The following SH3RF1 variants were observed in gnomAD, a reference collection of about 807,000 sequenced individuals.
SH3RF1 encodes E3 ubiquitin-protein ligase SH3RF1.
A neutral mutation model predicts 74.0 loss-of-function variants in SH3RF1; 32 were observed. That is an observed-to-expected ratio of 0.43 (90% CI 0.33 to 0.58). SH3RF1 has a LOEUF of 0.58. Among genes scored for constraint, SH3RF1 ranks in the 20% least tolerant of loss-of-function variants. The pLI, the probability that SH3RF1 is intolerant of heterozygous loss-of-function variation, is 0.05. For missense variants in SH3RF1, 954 were observed against 1,130.9 expected (o/e 0.84, Z 2.24); for synonymous variants, 396 against 439.6 (o/e 0.90, Z 1.24).
Position 169,176,609 on chromosome 4 carries a change from T to C in SH3RF1, c.394-19930A>G, listed in dbSNP as rs180781057. Among the ~76,000 whole-genome samples the C allele has an allele frequency of 6.9e-3, 1,057 of 152,286 alleles. 9 individuals carry two copies. Among genetic ancestry groups the C allele is most frequent in the Non-Finnish European group, 8.1e-3 (551 of 68,016 alleles). ...AGGTTGGAGTGCACTGGCCTAATCT[T>C]GGCTCACTGCAACCTCAGTTTCCCA... is the stretch of plus-strand genomic sequence containing the variant. On this transcript the variant is annotated intron_variant, in intron 2 of 11. Transcript: ENST00000284637.
chr4:169,180,973 C>A (rs377204167), intron 2 of SH3RF1, among the ~76,000 whole-genome samples: 2 of 152,290 alleles, frequency 1.3e-5, no homozygotes, highest in South Asian at 2.1e-4. Context: ...CCTTTCTTTT[C>A]TCTTTACTCA....
At chr4:169,167,405 A>G (rs1316280944) in intron 2 of SH3RF1, among the ~76,000 whole-genome samples, 2 of 152,324 alleles carry the variant, frequency 1.3e-5, no homozygotes, top group East Asian at 3.9e-4. Flanking sequence ...TTATAAAGTT[A>G]TATGTACATT....
chr4:169,141,267 T>C lies in SH3RF1; in HGVS notation c.766-4647A>G, dbSNP rs527593742. 5.3e-5 allele frequency among the ~76,000 whole-genome samples: 8 copies of C among 149,986 alleles called. 1 individual carries two copies. In the South Asian group the frequency reaches 1.7e-3, roughly 33 times the overall value. ...ATGTATCTACTTTATTGATTTTTAA[T>C]ACAAATAAAACCAAGCAATCCATTC... On this transcript the variant is annotated intron_variant, in intron 4 of 11. Coordinates refer to ENST00000284637, the MANE Select transcript of SH3RF1 (RefSeq NM_020870.4).
intron 4 of SH3RF1, among the ~76,000 whole-genome samples, chr4:169,146,125 T>C (rs932727604): frequency 7.3e-6 from 1 of 137,280 alleles, no homozygotes; most frequent in Non-Finnish European, 1.5e-5. Flanking sequence ...CTATATATTC[T>C]ATATATTATA....
intron 2 of SH3RF1, among the ~76,000 whole-genome samples, chr4:169,186,868 G>C (rs572503929): frequency 8.2e-4 from 118 of 144,678 alleles, no homozygotes; most frequent in African/African-American, 1.9e-3. Context: ...AAAAAAATTA[G>C]CGGGGCGTGG....
chr4:169,181,384 T>G (rs1235664234), intron 2 of SH3RF1, among the ~76,000 whole-genome samples: 2 of 149,734 alleles, frequency 1.3e-5, no homozygotes, highest in African/African-American at 4.9e-5. Context: ...TGCCTCAGCC[T>G]CCTGACTAGC....
intron 2 of SH3RF1, among the ~76,000 whole-genome samples, chr4:169,202,721 G>C (rs17054836): frequency 0.01 from 1,588 of 152,248 alleles, 29 homozygotes; most frequent in African/African-American, 0.037. Context: ...GAAAAGTGGA[G>C]AAATAGCTTA....
intron 2 of SH3RF1, among the ~76,000 whole-genome samples, chr4:169,261,542 A>G (rs528971677): frequency 1.3e-5 from 2 of 151,970 alleles, no homozygotes; most frequent in Admixed American, 1.3e-4. Context: ...TAAGAATAAT[A>G]ATGTATAGTG....
intron 2 of SH3RF1, among the ~76,000 whole-genome samples, chr4:169,213,074 TAGTAAG>T (rs1430930534): frequency 6.6e-6 from 1 of 152,226 alleles, no homozygotes; most frequent in African/African-American, 2.4e-5. Flanking sequence ...CTAGATCATA[TAGTAAG>T]AGTATGTTTC....
At chr4:169,259,455 A>G (rs536684039) in intron 2 of SH3RF1, among the ~76,000 whole-genome samples, 4 of 152,266 alleles carry the variant, frequency 2.6e-5, no homozygotes, top group African/African-American at 7.2e-5. Context: ...GTTTACAGCC[A>G]CCCATATGTC....
At chr4:169,203,490 G>A (rs1040699056) in intron 2 of SH3RF1, among the ~76,000 whole-genome samples, 1 of 151,816 alleles carries the variant, frequency 6.6e-6, no homozygotes, top group Admixed American at 6.6e-5. Flanking sequence ...GGCAGAGGTT[G>A]CAGTGAGCTG....
intron 4 of SH3RF1, among the ~76,000 whole-genome samples, chr4:169,136,830 A>C (rs1017943532): frequency 6.6e-6 from 1 of 152,248 alleles, no homozygotes; most frequent in African/African-American, 2.4e-5. Context: ...TAAATCAAGA[A>C]TAAACAATTC....
At chr4:169,253,117 T>G (rs2110748468) in intron 2 of SH3RF1, among the ~76,000 whole-genome samples, 1 of 152,230 alleles carries the variant, frequency 6.6e-6, no homozygotes. Context: ...ACATGAGAAT[T>G]TACATAATAA....
At chr4:169,227,753 T>C (rs1400075823) in intron 2 of SH3RF1, among the ~76,000 whole-genome samples, 2 of 152,192 alleles carry the variant, frequency 1.3e-5, no homozygotes, top group African/African-American at 4.8e-5. Flanking sequence ...CATAGAACAG[T>C]GCCCATCGAA....
At chr4:169,172,329 T>C (rs1041697103) in intron 2 of SH3RF1, among the ~76,000 whole-genome samples, 2 of 152,226 alleles carry the variant, frequency 1.3e-5, no homozygotes, top group Non-Finnish European at 2.9e-5. Context: ...TCATGAGTAA[T>C]TCCTCCTTAT....
At chr4:169,122,544 A>G (rs1238974315) in intron 6 of SH3RF1, among the ~76,000 whole-genome samples, 1 of 152,140 alleles carries the variant, frequency 6.6e-6, no homozygotes, top group Admixed American at 6.5e-5. Flanking sequence ...AAATGAAACA[A>G]TTGCATGTAA....
intron 6 of SH3RF1, among the ~76,000 whole-genome samples, chr4:169,125,006 GC>G (rs753702623): frequency 1.2e-4 from 19 of 152,122 alleles, no homozygotes; most frequent in Non-Finnish European, 2.2e-4. Flanking sequence ...GCAAAAAACA[GC>G]TATGGACCTT....
intron 9 of SH3RF1, among the ~76,000 whole-genome samples, chr4:169,117,188 C>T (rs1303951532): frequency 2.6e-5 from 4 of 151,458 alleles, no homozygotes; most frequent in Non-Finnish European, 5.9e-5. Context: ...TCAGCACACC[C>T]GTTAGTAGAG....
chr4:169,225,936 C>A (rs982048627), intron 2 of SH3RF1, among the ~76,000 whole-genome samples: 1 of 152,134 alleles, frequency 6.6e-6, no homozygotes, highest in African/African-American at 2.4e-5. Context: ...GTTCCTCTGG[C>A]AGATAAGGGA....
Sources: gnomAD v4.1 joint callset for allele counts (sites outside exome capture counted in the v4.1 genomes callset) on GRCh38, gnomAD v4.1.1 for gene constraint, MANE v1.5 for transcripts, NCBI Gene and HGNC (gene_info 2026-07-23, HGNC 2026-07-21) for gene names.